Variants in SHE observed in about 807,000 individuals in gnomAD.
The protein encoded by SHE is Src homology 2 domain containing E.
Under a neutral mutation model 49.8 loss-of-function variants are expected in SHE, and 11 were observed. That is an observed-to-expected ratio of 0.22 (90% CI 0.14 to 0.37). The LOEUF is 0.37. Ranked by LOEUF, SHE falls within the 10% of genes least tolerant of loss-of-function variation. SHE has a pLI of 1.00. For missense variants in SHE, 624 were observed against 655.5 expected (o/e 0.95, Z 0.52); for synonymous variants, 310 against 278.1 (o/e 1.11, Z -1.14).
At chr1:154,476,056 AGCAGTCCAGGACGGTGCAGTG>A (rs567794786), downstream of SHE, among the ~76,000 whole-genome samples, 35 of 152,322 alleles carry the variant, frequency 2.3e-4, no homozygotes, top group South Asian at 7.3e-3. Context: ...CACCATCTGA[AGCAGTCCAGGACGGTGCAGTG>A]GCTCACACCT....
rs1032713965 is a variant in SHE, at chr1:154,489,355, T to A, written c.720A>T (p.Glu240Asp). 6 of 1,610,238 alleles carry A rather than the reference T, an allele frequency of 3.7e-6. No homozygotes were observed. The highest frequency in any genetic ancestry group is 1.3e-5 in the African/African-American group (1 of 74,644). Residue 240 changes from glutamate (E) to aspartate (D), a missense_variant and splice_region_variant, in exon 3 of 6, where the codon GAA becomes GAT. Glu to Asp is a conservative substitution (Grantham distance 45). Around this residue, in one of 4 missense-constraint regions of SHE, gnomAD observed 7 missense variants for 25.7 expected, o/e 0.27. Transcript: ENST00000304760. ...EPYDAQQMIT[E>D]IRRRGSKDPL... is the part of the protein sequence containing the mutation. ...GATCTTTGGAACCCCGTCGTCTAATTTCTGAAAAACACACACCATTTCTGA... is the reference window on the plus strand; with the variant it reads ...GATCTTTGGAACCCCGTCGTCTAATATCTGAAAAACACACACCATTTCTGA...
downstream of SHE, among the ~76,000 whole-genome samples, chr1:154,476,837 T>C (rs1242676169): frequency 6.6e-6 from 1 of 152,212 alleles, no homozygotes; most frequent in Non-Finnish European, 1.5e-5. Context: ...TCAATCCAAA[T>C]TAGTAAACCT....
At chr1:154,498,584 G>C (rs1692611663) in intron 2 of SHE, among the ~76,000 whole-genome samples, 1 of 151,140 alleles carries the variant, frequency 6.6e-6, no homozygotes, top group Admixed American at 6.6e-5. Context: ...TTTTAGTAGA[G>C]ATGGGGTTTC....
At chr1:154,478,471 C>G (rs527833389), downstream of SHE, among the ~76,000 whole-genome samples, 53 of 149,578 alleles carry the variant, frequency 3.5e-4, no homozygotes, top group Non-Finnish European at 6.1e-4. Flanking sequence ...AGACCTGGGC[C>G]GCAATCTGGG....
Position 154,489,352 on chromosome 1 carries a change from AATTTCTGAAAAACACACACC to A in SHE, c.719-16_722del, listed in dbSNP as rs112682500. On this transcript the variant is annotated splice_acceptor_variant and splice_polypyrimidine_tract_variant and coding_sequence_variant and intron_variant, in exon 3 of 6. Coordinates refer to ENST00000304760, the MANE Select transcript of SHE (RefSeq NM_001010846.3). LOFTEE classifies it high-confidence loss of function. ...GGGGATCTTTGGAACCCCGTCGTCT[AATTTCTGAAAAACACACACC>A]ATTTCTGAAAAACACACACCATACA... The A allele has an allele frequency of 4.6e-4, 744 of 1,612,094 alleles. 2 individuals are homozygous for A. The highest frequency in any genetic ancestry group is 4.0e-3 in the East Asian group (180 of 44,866).
Position 154,501,803 on chromosome 1 carries a change from C to T in SHE, c.224G>A (p.Gly75Glu), listed in dbSNP as rs1389551289. 1.3e-6 allele frequency: 2 copies of T among 1,552,508 alleles called. No homozygotes were observed. The highest frequency in any genetic ancestry group is 2.4e-5 in the East Asian group (1 of 41,506). Residue 75 changes from glycine (G) to glutamate (E), a missense_variant, in exon 1 of 6, where the codon GGG becomes GAG. Gly to Glu is a moderately conservative substitution (Grantham distance 98, BLOSUM62 -2). Around this residue, in one of 4 missense-constraint regions of SHE, gnomAD observed 337 missense variants for 306.0 expected, o/e 1.10. Coordinates refer to ENST00000304760, the MANE Select transcript of SHE (RefSeq NM_001010846.3). The stretch of plus-strand genomic sequence containing the variant: ...CTTGCGGCCCTTGCCAGGACCCGGC[C>T]CAGCGCCGCCCGCCTCCGAGTTCTT... ...LRKNSEAGGA[G>E]PGPGKGRKNS...
At chr1:154,493,652 G>A (rs1399817806) in intron 2 of SHE, among the ~76,000 whole-genome samples, 1 of 152,138 alleles carries the variant, frequency 6.6e-6, no homozygotes. Context: ...TCCCCAACTC[G>A]CTGCAGGTAA....
At position 154,499,145 on chromosome 1, in the gene SHE, T is replaced by C. The variant is rs778420256; in HGVS notation, c.685A>G (p.Met229Val). The C allele has an allele frequency of 5.6e-6, 9 of 1,614,220 alleles. No homozygotes were observed. In the East Asian group the frequency reaches 1.3e-4, roughly 24 times the overall value. ...ATTTGCTGTGCATCATATGGTTCCA[T>C]GTAACCGTCGTTCTCTCCGACTCTC... is the stretch of plus-strand genomic sequence containing the variant. ...AERVGENDGY[M>V]EPYDAQQMIT... The change falls in exon 2 of 6, where the codon ATG becomes GTG. Residue 229 changes from methionine to valine, a missense_variant. Transcript: ENST00000304760.
At chr1:154,476,458 C>T (rs1159908088), downstream of SHE, among the ~76,000 whole-genome samples, 1 of 152,148 alleles carries the variant, frequency 6.6e-6, no homozygotes, top group Non-Finnish European at 1.5e-5. Flanking sequence ...GCCTGGCCAA[C>T]ATAGTGAAAC....
chr1:154,487,372 C>T (rs1236761256), intron 3 of SHE, among the ~76,000 whole-genome samples: 1 of 151,434 alleles, frequency 6.6e-6, no homozygotes, highest in Non-Finnish European at 1.5e-5. Flanking sequence ...TGTGTATCAT[C>T]CTATAAAACC....
At chr1:154,478,040 A>G (rs1361568905), downstream of SHE, among the ~76,000 whole-genome samples, 1 of 152,120 alleles carries the variant, frequency 6.6e-6, no homozygotes, top group Non-Finnish European at 1.5e-5. Context: ...GTGGAATCAT[A>G]CAGTATTTGT....
intron 1 of SHE, among the ~76,000 whole-genome samples, chr1:154,473,802 C>CA (rs1390510770): frequency 2.7e-5 from 4 of 148,736 alleles, no homozygotes; most frequent in Non-Finnish European, 6.0e-5. Context: ...GACCCTGCCT[C>CA]AAAAAATAAA....
intron 5 of SHE, 118 bp downstream of exon 5, chr1:154,485,825 T>C (rs1692160046): frequency 7.1e-6 from 9 of 1,260,324 alleles, no homozygotes; most frequent in Non-Finnish European, 9.9e-6. Flanking sequence ...AAATGCCTCT[T>C]ATTTTCTGCA....
chr1:154,495,863 C>T (rs1272125118), intron 2 of SHE, among the ~76,000 whole-genome samples: 1 of 152,128 alleles, frequency 6.6e-6, no homozygotes, highest in Non-Finnish European at 1.5e-5. Context: ...AAAGGCAATG[C>T]AAAGAATGGC....
chr1:154,470,670 T>C (rs1041728647), intron 1 of SHE, among the ~76,000 whole-genome samples: 1 of 151,976 alleles, frequency 6.6e-6, no homozygotes, highest in Non-Finnish European at 1.5e-5. Context: ...CAAAACCCCG[T>C]CTCTACTAAA....
intron 1 of SHE, among the ~76,000 whole-genome samples, chr1:154,500,775 C>G (rs1446408980): frequency 6.6e-6 from 1 of 152,226 alleles, no homozygotes; most frequent in African/African-American, 2.4e-5. Context: ...CTCTTCTCAT[C>G]TGTAATTTCC....
intron 1 of SHE, 47 bp downstream of exon 1, chr1:154,501,389 G>A (rs759524784): frequency 1.9e-6 from 3 of 1,582,942 alleles, no homozygotes; most frequent in East Asian, 2.2e-5. Flanking sequence ...AGGCGCCCAG[G>A]GCTCCCCTTC....
chr1:154,498,338 C>T (rs377100164), intron 2 of SHE, among the ~76,000 whole-genome samples: 62 of 150,686 alleles, frequency 4.1e-4, no homozygotes, highest in African/African-American at 1.3e-3. Context: ...TCAGGTGATC[C>T]GCCCACCTTG....
At chr1:154,493,137 A>G (rs1304882314) in intron 2 of SHE, among the ~76,000 whole-genome samples, 2 of 152,238 alleles carry the variant, frequency 1.3e-5, no homozygotes, top group Non-Finnish European at 2.9e-5. Context: ...GAGATACACA[A>G]AGCATGGAGT....
Sources: allele counts gnomAD v4.1 joint callset (sites outside exome capture counted in the v4.1 genomes callset), GRCh38; gene constraint gnomAD v4.1.1; regional missense constraint gnomAD v4.1.1; transcripts MANE v1.5; gene names NCBI Gene and HGNC (gene_info 2026-07-23, HGNC 2026-07-21).